Variants in COL19A1 observed in about 807,000 individuals in gnomAD.
COL19A1 encodes the protein collagen type XIX alpha 1 chain.
A neutral mutation model predicts 190.2 loss-of-function variants in COL19A1; 159 were observed. That is an observed-to-expected ratio of 0.84 (90% CI 0.73 to 0.95). The LOEUF is 0.95. Ranked by LOEUF, COL19A1 falls within the 40% of genes least tolerant of loss-of-function variation. COL19A1 has a pLI of 0.00. For missense variants in COL19A1, 1,418 were observed against 1,431.9 expected (o/e 0.99, Z 0.16); for synonymous variants, 509 against 458.9 (o/e 1.11, Z -1.39).
At chr6:70,126,816 G>T (rs1482270446) in intron 17 of COL19A1, among the ~76,000 whole-genome samples, 2 of 152,168 alleles carry the variant, frequency 1.3e-5, no homozygotes, top group African/African-American at 4.8e-5. Context: ...TATCTTCCAG[G>T]TCTCTCTCCT....
chr6:70,044,481 A>G (rs181365176), intron 14 of COL19A1, among the ~76,000 whole-genome samples: 25 of 152,242 alleles, frequency 1.6e-4, no homozygotes, highest in Admixed American at 6.5e-4. Flanking sequence ...CACTTTCCTC[A>G]CTAAGTTTAA....
At chr6:69,878,875 AG>A in intron 1 of COL19A1, among the ~76,000 whole-genome samples, 1 of 152,322 alleles carries the variant, frequency 6.6e-6, no homozygotes, top group African/African-American at 2.4e-5. Flanking sequence ...GCTTTAAAAG[AG>A]GAGGAAGTTC....
At chr6:70,055,418 C>T (rs1325526345) in intron 14 of COL19A1, among the ~76,000 whole-genome samples, 1 of 151,766 alleles carries the variant, frequency 6.6e-6, no homozygotes, top group Non-Finnish European at 1.5e-5. Flanking sequence ...ATAGAGACAA[C>T]CTAGATGTCT....
At chr6:70,083,813 A>G (rs894510674) in intron 15 of COL19A1, among the ~76,000 whole-genome samples, 3 of 152,162 alleles carry the variant, frequency 2.0e-5, no homozygotes, top group Non-Finnish European at 4.4e-5. Flanking sequence ...CAAGGATAAC[A>G]TGTTTCACTG....
intron 11 of COL19A1, among the ~76,000 whole-genome samples, chr6:69,971,054 ACT>A (rs148670152): frequency 0.017 from 2,576 of 152,080 alleles, 81 homozygotes; most frequent in African/African-American, 0.058. Flanking sequence ...CTCGTGAATA[ACT>A]CTAATTTATG....
intron 11 of COL19A1, among the ~76,000 whole-genome samples, chr6:69,987,737 A>G (rs1776389824): frequency 6.6e-6 from 1 of 152,162 alleles, no homozygotes. Flanking sequence ...GATTGTTGGT[A>G]AGGATTCCCT....
chr6:70,194,517 A>G (rs1468361817), intron 48 of COL19A1, among the ~76,000 whole-genome samples: 4 of 152,190 alleles, frequency 2.6e-5, no homozygotes, highest in Non-Finnish European at 5.9e-5. Flanking sequence ...CTGAAGTTCA[A>G]TTAAATTCCC....
chr6:69,916,183 G>A (rs933259950), intron 4 of COL19A1, among the ~76,000 whole-genome samples: 9 of 151,982 alleles, frequency 5.9e-5, no homozygotes, highest in African/African-American at 1.9e-4. Context: ...TGATCTGCCC[G>A]CCTCGGCCTC....
chr6:70,093,529 G>C (rs1783054730), intron 15 of COL19A1, among the ~76,000 whole-genome samples: 1 of 151,900 alleles, frequency 6.6e-6, no homozygotes, highest in South Asian at 2.1e-4. Flanking sequence ...TCAGAATCAG[G>C]GTAGAGAGAC....
Position 69,911,579 on chromosome 6 carries a change from T to C in COL19A1, c.266+11241T>C, listed in dbSNP as rs191581374. 5.9e-5 allele frequency among the ~76,000 whole-genome samples: 9 copies of C among 152,368 alleles called. No homozygotes were observed. The East Asian group carries it at 7.7e-4, about 13-fold the overall frequency. On this transcript the variant is annotated intron_variant, in intron 4 of 50. Coordinates refer to ENST00000620364, the MANE Select transcript of COL19A1 (RefSeq NM_001858.6). Reference sequence around the variant, plus strand: ...AGAATTAACATCTGGCTGGTTGAATTTGAGACTGAGTTGACCAGATGTTTT... The same window carrying C: ...AGAATTAACATCTGGCTGGTTGAATCTGAGACTGAGTTGACCAGATGTTTT...
chr6:70,184,828 A>G (rs1473452753), intron 45 of COL19A1, 43 bp from the exon 46 acceptor site: 3 of 1,610,470 alleles, frequency 1.9e-6, no homozygotes, highest in Admixed American at 1.7e-5. Context: ...CTGATGAAAA[A>G]TCTTGGCAAG....
chr6:70,043,773 C>T (rs1298731686), intron 14 of COL19A1, among the ~76,000 whole-genome samples: 1 of 152,174 alleles, frequency 6.6e-6, no homozygotes, highest in Non-Finnish European at 1.5e-5. Flanking sequence ...TTATAGAGCA[C>T]AGGCAGGGTA....
intron 14 of COL19A1, among the ~76,000 whole-genome samples, chr6:70,066,877 A>G (rs980054813): frequency 6.6e-6 from 1 of 152,122 alleles, no homozygotes; most frequent in African/African-American, 2.4e-5. Context: ...TAAGGCATTT[A>G]ATAGATGATG....
At chr6:70,089,843 G>A (rs539313996) in intron 15 of COL19A1, among the ~76,000 whole-genome samples, 48 of 152,238 alleles carry the variant, frequency 3.2e-4, no homozygotes, top group Non-Finnish European at 6.0e-4. Context: ...AGTTTATAAT[G>A]AAGGATGAAA....
intron 11 of COL19A1, among the ~76,000 whole-genome samples, chr6:70,006,289 G>A (rs985967778): frequency 2.0e-5 from 3 of 152,200 alleles, no homozygotes; most frequent in African/African-American, 7.2e-5. Flanking sequence ...GGTGGTGTGA[G>A]TTTGCGAGTG....
chr6:70,057,157 G>A (rs936477132), intron 14 of COL19A1, among the ~76,000 whole-genome samples: 5 of 152,162 alleles, frequency 3.3e-5, no homozygotes, highest in South Asian at 2.1e-4. Context: ...ATGTTTTCAC[G>A]TGGCCACTGA....
chr6:70,182,772 C>A (rs1766260173), intron 44 of COL19A1, among the ~76,000 whole-genome samples: 1 of 152,176 alleles, frequency 6.6e-6, no homozygotes, highest in Non-Finnish European at 1.5e-5. Context: ...GAGATCACCA[C>A]ATGTTAGTAT....
At chr6:69,867,237 G>A (rs1767512112) in intron 1 of COL19A1, among the ~76,000 whole-genome samples, 1 of 152,160 alleles carries the variant, frequency 6.6e-6, no homozygotes, top group South Asian at 2.1e-4. Context: ...CCCAAGTGCG[G>A]CTTCTGGGGG....
intron 31 of COL19A1, among the ~76,000 whole-genome samples, chr6:70,154,115 C>T (rs148995154): frequency 0.1 from 14,778 of 145,634 alleles, 872 homozygotes; most frequent in Non-Finnish European, 0.15. Context: ...CTACCCCCCC[C>T]AACCCCCCAC....
Sources: gnomAD v4.1 joint callset for allele counts (sites outside exome capture counted in the v4.1 genomes callset) on GRCh38, gnomAD v4.1.1 for gene constraint, MANE v1.5 for transcripts, NCBI Gene and HGNC (gene_info 2026-07-23, HGNC 2026-07-21) for gene names.